Variants in PHACTR1 observed in about 807,000 individuals in gnomAD.
PHACTR1 encodes the protein phosphatase and actin regulator 1, also known as RPEL repeat containing 1.
In PHACTR1, 16 loss-of-function variants were observed where a neutral mutation model predicts 69.2. The ratio of observed to expected loss-of-function variants is 0.23; its 90% CI spans 0.16 to 0.35. The LOEUF is 0.35. PHACTR1 is among the 10% of genes least tolerant of loss of function. PHACTR1 has a pLI of 1.00. For missense variants in PHACTR1, 510 were observed against 734.7 expected, an observed-to-expected ratio of 0.69 and a Z score of 3.54; for synonymous variants, 312 against 284.5, an observed-to-expected ratio of 1.10 and a Z score of -0.97.
At chr6:12,944,777 A>ATTTATTTTTTTT (rs1554172498) in intron 4 of PHACTR1, among the ~76,000 whole-genome samples, 30 of 135,822 alleles carry the variant, frequency 2.2e-4, no homozygotes, top group African/African-American at 8.1e-4. Flanking sequence ...TTATTTATTT[A>ATTTATTTTTTTT]TTTTTATTTA....
chr6:13,200,683 AC>A (rs769392673), intron 7 of PHACTR1, among the ~76,000 whole-genome samples: 4 of 151,386 alleles, frequency 2.6e-5, no homozygotes, highest in Non-Finnish European at 5.9e-5. Context: ...CTGGGTGGCC[AC>A]CCACTTTGGG....
rs970962705 is a variant in PHACTR1, at chr6:13,182,677, G to C, written c.655G>C (p.Asp219His). Residue 219 changes from aspartate to histidine, a missense_variant, in exon 7 of 15, where the codon GAT becomes CAT. Coordinates refer to ENST00000332995, the MANE Select transcript of PHACTR1 (RefSeq NM_030948.6). ...GGTGCTCCAACCGTCAGACATCATG[G>C]ATGGGCCAGGTAATGCCCCGGCAGG... ...YEVLQPSDIM[D>H]GPDPGAPVKL... The C allele has an allele frequency of 1.3e-6, 2 of 1,553,288 alleles. No homozygotes were observed. The highest frequency in any genetic ancestry group is 1.7e-6 in the Non-Finnish European group (2 of 1,152,424).
At chr6:12,737,654 G>A (rs766361448) in intron 3 of PHACTR1, among the ~76,000 whole-genome samples, 11 of 151,194 alleles carry the variant, frequency 7.3e-5, no homozygotes, top group Non-Finnish European at 1.6e-4. Context: ...GAATGCAGTG[G>A]TATGATGATG....
chr6:12,751,028 A>C (rs1430217788), intron 4 of PHACTR1, among the ~76,000 whole-genome samples: 2 of 152,162 alleles, frequency 1.3e-5, no homozygotes, highest in African/African-American at 4.8e-5. Flanking sequence ...CATGTGTTAG[A>C]GCAAAGAGAA....
intron 5 of PHACTR1, among the ~76,000 whole-genome samples, chr6:13,056,510 A>G (rs1438695779): frequency 6.6e-6 from 1 of 152,226 alleles, no homozygotes. Context: ...AATTTTAGCT[A>G]GTATACCTAT....
intron 4 of PHACTR1, among the ~76,000 whole-genome samples, chr6:12,772,804 A>G (rs1365891337): frequency 1.3e-5 from 2 of 152,242 alleles, no homozygotes; most frequent in Non-Finnish European, 1.5e-5. Flanking sequence ...GTTAATTTAT[A>G]TTGCATAAAG....
chr6:13,127,682 G>A (rs1004852926), intron 5 of PHACTR1, among the ~76,000 whole-genome samples: 9 of 152,194 alleles, frequency 5.9e-5, no homozygotes, highest in East Asian at 1.9e-4. Flanking sequence ...TATTTTGGGG[G>A]TGGTATGTTC....
At chr6:12,824,950 T>C (rs1776629991) in intron 4 of PHACTR1, among the ~76,000 whole-genome samples, 1 of 152,006 alleles carries the variant, frequency 6.6e-6, no homozygotes, top group Non-Finnish European at 1.5e-5. Flanking sequence ...ATCTGTAAAA[T>C]CAATGGAAAA....
At chr6:13,120,964 G>A (rs1583449377) in intron 5 of PHACTR1, among the ~76,000 whole-genome samples, 1 of 152,162 alleles carries the variant, frequency 6.6e-6, no homozygotes, top group South Asian at 2.1e-4. Flanking sequence ...AACAAGCCTG[G>A]CACCCTAGTC....
In PHACTR1 at chr6:13,244,030, G is replaced by C. The variant is rs781607782; in HGVS notation, c.1391+13837G>C. ...GGTATTTTTTCAGGGGACCTGCCCCGATAATCACGTAGGTTCTTTTCTAGT... is the reference window on the plus strand; with the variant it reads ...GGTATTTTTTCAGGGGACCTGCCCCCATAATCACGTAGGTTCTTTTCTAGT... On this transcript the variant is annotated intron_variant, in intron 10 of 14. Transcript: ENST00000332995. Among the ~76,000 whole-genome samples the C allele has an allele frequency of 3.3e-5, 5 of 152,094 alleles. No individual in the cohort carries two copies. The South Asian group carries it at 8.3e-4, about 25-fold the overall frequency.
chr6:12,738,736 G>A (rs1358157107), intron 3 of PHACTR1, among the ~76,000 whole-genome samples: 3 of 152,190 alleles, frequency 2.0e-5, no homozygotes, highest in Non-Finnish European at 4.4e-5. Context: ...CATGGTGTGC[G>A]CTTGTAGTCC....
chr6:13,263,530 A>T (rs1776214746), intron 10 of PHACTR1, among the ~76,000 whole-genome samples: 1 of 152,226 alleles, frequency 6.6e-6, no homozygotes, highest in Non-Finnish European at 1.5e-5. Context: ...TGCTGCTCAG[A>T]CATATTTTAT....
intron 3 of PHACTR1, among the ~76,000 whole-genome samples, chr6:12,738,991 A>C (rs181360133): frequency 6.6e-6 from 1 of 152,294 alleles, no homozygotes; most frequent in East Asian, 1.9e-4. Context: ...ACCCATATAT[A>C]ATGGTTTATT....
At chr6:12,850,275 C>T (rs553307775) in intron 4 of PHACTR1, among the ~76,000 whole-genome samples, 2 of 152,252 alleles carry the variant, frequency 1.3e-5, no homozygotes, top group Non-Finnish European at 2.9e-5. Flanking sequence ...AGCCTACAGT[C>T]TAACTCCTAC....
At chr6:12,944,939 C>T (rs1387364819) in intron 4 of PHACTR1, among the ~76,000 whole-genome samples, 2 of 151,924 alleles carry the variant, frequency 1.3e-5, no homozygotes, top group Admixed American at 6.6e-5. Flanking sequence ...CCCGCCACCA[C>T]GCCTGGCTAA....
chr6:13,003,766 T>C (rs927987200), intron 4 of PHACTR1, among the ~76,000 whole-genome samples: 8 of 151,420 alleles, frequency 5.3e-5, no homozygotes, highest in South Asian at 2.1e-4. Context: ...CTCTAGTGTC[T>C]ATCATTCCAC....
intron 8 of PHACTR1, among the ~76,000 whole-genome samples, chr6:13,210,796 C>T (rs1454870851): frequency 6.6e-6 from 1 of 152,062 alleles, no homozygotes; most frequent in African/African-American, 2.4e-5. Flanking sequence ...TCTTCAGTGA[C>T]CCTAGAATGG....
chr6:12,931,463 C>T (rs1788860735), intron 4 of PHACTR1, among the ~76,000 whole-genome samples: 1 of 152,072 alleles, frequency 6.6e-6, no homozygotes, highest in East Asian at 1.9e-4. Flanking sequence ...CAGTCACTAC[C>T]ATGGCAAGTT....
chr6:12,914,612 A>G (rs184431380), intron 4 of PHACTR1, among the ~76,000 whole-genome samples: 1 of 152,230 alleles, frequency 6.6e-6, no homozygotes, highest in African/African-American at 2.4e-5. Context: ...CATTCTCTTT[A>G]CCACCAAAAG....
Sources: gnomAD v4.1 joint callset for allele counts (sites outside exome capture counted in the v4.1 genomes callset) on GRCh38, gnomAD v4.1.1 for gene constraint, MANE v1.5 for transcripts, NCBI Gene and HGNC (gene_info 2026-07-23, HGNC 2026-07-21) for gene names.